LOC400499: variants seen among roughly 807,000 people sequenced by gnomAD.
the LOC400499 span, chr16:11,450,856 G>A: frequency 6.6e-7 from 1 of 1,504,294 alleles, no homozygotes; most frequent in Non-Finnish European, 8.9e-7. Flanking sequence ...TGGTACACGG[G>A]GTAGAGAGGA....
At chr16:11,430,133 A>C in the LOC400499 span, among the ~76,000 whole-genome samples, 2 of 152,190 alleles carry the variant, frequency 1.3e-5, no homozygotes, top group Non-Finnish European at 2.9e-5. Flanking sequence ...GGCATCGGGA[A>C]GTGTCACTCA....
chr16:11,472,149 G>A, the LOC400499 span: 2 of 221,760 alleles, frequency 9.0e-6, no homozygotes, highest in African/African-American at 4.6e-5. Flanking sequence ...AATGTCTCCT[G>A]GGGGGTCAAA....
chr16:11,452,661 TAG>T, the LOC400499 span, among the ~76,000 whole-genome samples: 8 of 152,228 alleles, frequency 5.3e-5, no homozygotes, highest in African/African-American at 1.7e-4. Context: ...AAATCCTGTG[TAG>T]AGTCTTTCCA....
chr16:11,460,404 T>C, the LOC400499 span: 191 of 1,433,192 alleles, frequency 1.3e-4, no homozygotes, highest in Non-Finnish European at 1.7e-4. Flanking sequence ...GGGGATGAGT[T>C]CAGGGTACTC....
chr16:11,414,455 T>G, the LOC400499 span: 1 of 400,092 alleles, frequency 2.5e-6, no homozygotes, highest in Non-Finnish European at 4.4e-6. Context: ...GCCAGGTCCA[T>G]GCTGACTCCA....
chr16:11,425,329 G>T, the LOC400499 span: 2 of 399,206 alleles, frequency 5.0e-6, no homozygotes, highest in African/African-American at 4.1e-5. Flanking sequence ...TTCTGGGCAA[G>T]GACACAGGTC....
the LOC400499 span, among the ~76,000 whole-genome samples, chr16:11,381,376 C>G: frequency 1.3e-5 from 2 of 152,080 alleles, no homozygotes; most frequent in East Asian, 1.9e-4. Flanking sequence ...GCTGGGAGTA[C>G]AAGTGTGAGC....
chr16:11,468,928 G>A, the LOC400499 span, among the ~76,000 whole-genome samples: 2 of 152,298 alleles, frequency 1.3e-5, no homozygotes, highest in South Asian at 2.1e-4. Flanking sequence ...CATCCCACCT[G>A]AATTCTTAAA....
chr16:11,509,274 C>T, the LOC400499 span, among the ~76,000 whole-genome samples: 4 of 151,650 alleles, frequency 2.6e-5, no homozygotes, highest in South Asian at 2.1e-4. Context: ...CCTGCCACCA[C>T]GCCCGGCTAA....
the LOC400499 span, among the ~76,000 whole-genome samples, chr16:11,382,878 T>C: frequency 1.3e-5 from 2 of 151,948 alleles, no homozygotes. Context: ...CTTAGCTTAG[T>C]AGGGGGTAGG....
At chr16:11,444,068 T>A in the LOC400499 span, among the ~76,000 whole-genome samples, 1 of 152,144 alleles carries the variant, frequency 6.6e-6, no homozygotes, top group East Asian at 1.9e-4. Context: ...CTCGAACACC[T>A]GACCTCAAGT....
the LOC400499 span, among the ~76,000 whole-genome samples, chr16:11,503,296 G>A: frequency 6.6e-6 from 1 of 152,116 alleles, no homozygotes; most frequent in African/African-American, 2.4e-5. Flanking sequence ...AGGGGGTGCA[G>A]AGGGCCCAAA....
the LOC400499 span, among the ~76,000 whole-genome samples, chr16:11,401,605 G>A: frequency 6.6e-6 from 1 of 152,260 alleles, no homozygotes; most frequent in Non-Finnish European, 1.5e-5. Context: ...TTAGAGAGGA[G>A]CAGATGGAGC....
chr16:11,464,148 G>GATGTGTATGTGTATGGAC, the LOC400499 span, among the ~76,000 whole-genome samples: 4 of 91,736 alleles, frequency 4.4e-5, no homozygotes, highest in Admixed American at 2.5e-4. Context: ...ACGTGTGTAT[G>GATGTGTATGTGTATGGAC]ATGTGTATGT....
chr16:11,414,765 A>G, the LOC400499 span, among the ~76,000 whole-genome samples: 1 of 152,196 alleles, frequency 6.6e-6, no homozygotes, highest in Non-Finnish European at 1.5e-5. Flanking sequence ...AGTTGCTGAA[A>G]TGACACCTTC....
chr16:11,385,152 T>C, the LOC400499 span: 4 of 1,230,274 alleles, frequency 3.3e-6, no homozygotes, highest in South Asian at 1.6e-4. Flanking sequence ...CGACCTGCCA[T>C]GGGCACAGGT....
chr16:11,510,288 G>A, the LOC400499 span, among the ~76,000 whole-genome samples: 1 of 151,772 alleles, frequency 6.6e-6, no homozygotes. Flanking sequence ...TGCCCTCGCA[G>A]TGTGTCTAGC....
chr16:11,465,313 G>A, the LOC400499 span: 1 of 152,094 alleles, frequency 6.6e-6, no homozygotes. Context: ...TTTTAACAGA[G>A]ACAGGGTTTC....
chr16:11,410,004 G>A, the LOC400499 span, among the ~76,000 whole-genome samples: 4 of 152,186 alleles, frequency 2.6e-5, no homozygotes, highest in African/African-American at 9.7e-5. Context: ...ATGGAGCCAG[G>A]TGTGGTGGTA....
Sources: gnomAD v4.1 joint callset for allele counts (sites outside exome capture counted in the v4.1 genomes callset) on GRCh38, gnomAD v4.1.1 for gene constraint, MANE v1.5 for transcripts.